MCC: variants seen among roughly 807,000 people sequenced by gnomAD.
MCC encodes the protein MCC regulator of Wnt signaling pathway.
A neutral mutation model predicts 116.2 loss-of-function variants in MCC; 90 were observed. The observed-to-expected ratio is 0.77, with a 90% CI of 0.65 to 0.92. MCC has a LOEUF of 0.92. Among genes scored for constraint, MCC ranks in the 40% least tolerant of loss-of-function variants. The pLI, the probability that MCC is intolerant of heterozygous loss-of-function variation, is 0.00. For synonymous variants in MCC, 578 were observed against 510.5 expected, an observed-to-expected ratio of 1.13 and a Z score of -1.78; for missense variants, 1,516 against 1,312.2, an observed-to-expected ratio of 1.16 and a Z score of -2.40.
intron 2 of MCC, among the ~76,000 whole-genome samples, chr5:113,347,264 T>C (rs1768156983): frequency 6.6e-6 from 1 of 151,992 alleles, no homozygotes; most frequent in South Asian, 2.1e-4. Flanking sequence ...CAATAAAAAA[T>C]AATGACTACA....
chr5:113,189,472 G>A (rs1762051252), intron 3 of MCC, among the ~76,000 whole-genome samples: 1 of 152,198 alleles, frequency 6.6e-6, no homozygotes, highest in African/African-American at 2.4e-5. Flanking sequence ...CATTTTACAG[G>A]TAGCAAAACT....
chr5:113,071,372 T>C (rs565548231), intron 11 of MCC, 138 bp from the exon 12 acceptor site: 163 of 853,234 alleles, frequency 1.9e-4, no homozygotes, highest in Non-Finnish European at 2.8e-4. Flanking sequence ...CAGTATTTTG[T>C]CAAAGAAGCA....
intron 1 of MCC, among the ~76,000 whole-genome samples, chr5:113,414,923 T>C (rs1057295002): frequency 3.9e-5 from 6 of 152,232 alleles, no homozygotes; most frequent in African/African-American, 1.4e-4. Context: ...CCTTTCTTTC[T>C]TTAGTGCTTC....
At chr5:113,119,294 T>C (rs3922583) in intron 6 of MCC, among the ~76,000 whole-genome samples, 75,773 of 152,000 alleles carry the variant, frequency 0.5, 21,067 homozygotes, top group East Asian at 0.72. Flanking sequence ...GTGCTCCATG[T>C]TATGAAAGAA....
intron 3 of MCC, among the ~76,000 whole-genome samples, chr5:113,339,441 G>A (rs1012840386): frequency 2.6e-5 from 4 of 151,580 alleles, no homozygotes; most frequent in South Asian, 2.1e-4. Flanking sequence ...GTGTGTGTGC[G>A]TGCATGTGTG....
rs767857845 is a variant in MCC at position 113,434,723 on chromosome 5, C to G, written c.171-49511G>C. ...CCTTCTTGCGGTCGATGATCTTGAT[C>G]GCCACATTGAACTTCAGGCGCTCAG... On this transcript the variant is annotated intron_variant, in intron 1 of 18. Transcript: ENST00000408903. This position sits in a 1 kb window ranked among gnomAD's most constrained non-coding sequence, Gnocchi z 4.2. The G allele has an allele frequency of 1.1e-5, 18 of 1,613,940 alleles. No homozygotes were observed. The African/African-American group carries it at 2.0e-4, about 18-fold the overall frequency.
At chr5:113,288,131 T>C (rs1226669805) in intron 3 of MCC, among the ~76,000 whole-genome samples, 1 of 152,254 alleles carries the variant, frequency 6.6e-6, no homozygotes, top group Admixed American at 6.5e-5. Context: ...ATGTTCAGCA[T>C]GTGCTTCTGC....
chr5:113,276,403 C>T (rs909916524), intron 3 of MCC, among the ~76,000 whole-genome samples: 2 of 152,092 alleles, frequency 1.3e-5, no homozygotes, highest in African/African-American at 2.4e-5. Flanking sequence ...TCTTCTTTAA[C>T]GTCAGACACC....
chr5:113,281,899 GTAGGCCCTA>G (rs974206589), intron 3 of MCC, among the ~76,000 whole-genome samples: 2 of 152,190 alleles, frequency 1.3e-5, no homozygotes, highest in Admixed American at 6.5e-5. Context: ...TCTTCAGCAA[GTAGGCCCTA>G]TAGTAGCAAA....
chr5:113,151,954 T>C (rs933632947), intron 3 of MCC, among the ~76,000 whole-genome samples: 4 of 152,236 alleles, frequency 2.6e-5, no homozygotes, highest in African/African-American at 7.2e-5. Flanking sequence ...CCTTGTACAG[T>C]TGACCCATTT....
intron 1 of MCC, among the ~76,000 whole-genome samples, chr5:113,446,346 T>C (rs11950791): frequency 0.033 from 5,074 of 152,276 alleles, 264 homozygotes; most frequent in African/African-American, 0.11. Context: ...CTGTAAACTA[T>C]GCCTCTGATG....
intron 1 of MCC, among the ~76,000 whole-genome samples, chr5:113,452,713 T>G (rs377048271): frequency 2.0e-5 from 3 of 152,226 alleles, no homozygotes; most frequent in African/African-American, 7.2e-5. Flanking sequence ...AAGGGCATAG[T>G]TGGAACTCAG....
chr5:113,338,641 C>T (rs986089502), intron 3 of MCC, among the ~76,000 whole-genome samples: 2 of 152,200 alleles, frequency 1.3e-5, no homozygotes, highest in African/African-American at 4.8e-5. Context: ...CCTGTTATGG[C>T]AATGTCTGTC....
At chr5:113,188,781 C>T (rs970372276) in intron 3 of MCC, among the ~76,000 whole-genome samples, 1 of 152,160 alleles carries the variant, frequency 6.6e-6, no homozygotes, top group Non-Finnish European at 1.5e-5. Flanking sequence ...ATAATGTGCC[C>T]AGGGCCACAC....
chr5:113,449,506 T>C (rs554139734), intron 1 of MCC, among the ~76,000 whole-genome samples: 17 of 152,344 alleles, frequency 1.1e-4, no homozygotes, highest in African/African-American at 3.6e-4. Flanking sequence ...AGACACTAGC[T>C]GTGTGCTGCC....
rs368714695 is a variant in MCC, at chr5:113,273,098, AAG to A, written c.627+67419_627+67420del. Among the ~76,000 whole-genome samples the A allele has an allele frequency of 1.2e-3, 184 of 152,370 alleles. 5 individuals carry two copies. The East Asian group carries it at 0.02, about 17-fold the overall frequency. On this transcript the variant is annotated intron_variant, in intron 3 of 18. Transcript: ENST00000408903. ...GAACTATTAGTTCAATAATACTAGA[AAG>A]AAAAATAAAAGAATATCTTAATCTG... is the stretch of plus-strand genomic sequence containing the variant.
At chr5:113,413,526 C>G (rs1770051844) in intron 1 of MCC, among the ~76,000 whole-genome samples, 1 of 152,204 alleles carries the variant, frequency 6.6e-6, no homozygotes, top group South Asian at 2.1e-4. Flanking sequence ...AGGAATTTAT[C>G]TATTTGTTCT....
intron 3 of MCC, among the ~76,000 whole-genome samples, chr5:113,266,103 T>C (rs1448807555): frequency 1.3e-5 from 2 of 152,164 alleles, no homozygotes; most frequent in East Asian, 1.9e-4. Flanking sequence ...CTAGGTCTTA[T>C]GCCAAATGCT....
At chr5:113,395,082 T>A (rs1332689485) in intron 1 of MCC, among the ~76,000 whole-genome samples, 1 of 152,206 alleles carries the variant, frequency 6.6e-6, no homozygotes, top group Non-Finnish European at 1.5e-5. Context: ...TCATTCCTTG[T>A]TCATTATCTT....
Sources: gnomAD v4.1 joint callset for allele counts (sites outside exome capture counted in the v4.1 genomes callset) on GRCh38, gnomAD v4.1.1 for gene constraint, Gnocchi (gnomAD v3.1) non-coding constraint, MANE v1.5 for transcripts, NCBI Gene and HGNC (gene_info 2026-07-23, HGNC 2026-07-21) for gene names.